RASGRF1: variants seen among roughly 807,000 people sequenced by gnomAD.
RASGRF1 encodes Ras protein specific guanine nucleotide releasing factor 1.
Under a neutral mutation model 138.7 loss-of-function variants are expected in RASGRF1, and 40 were observed. The observed-to-expected ratio is 0.29, with a 90% CI of 0.22 to 0.38. The LOEUF is 0.38. RASGRF1 is among the 10% of genes least tolerant of loss of function. RASGRF1 has a pLI of 1.00. For missense variants in RASGRF1, 1,108 were observed against 1,650.4 expected, an observed-to-expected ratio of 0.67 and a Z score of 5.69; for synonymous variants, 614 against 663.2, an observed-to-expected ratio of 0.93 and a Z score of 1.14.
rs145704063 is a variant in RASGRF1 at position 79,089,012 on chromosome 15, T to A, written c.276+1211A>T. Among the ~76,000 whole-genome samples the A allele has an allele frequency of 2.5e-3, 387 of 152,344 alleles. 2 individuals carry two copies. The highest frequency in any genetic ancestry group is 8.8e-3 in the African/African-American group (368 of 41,582). On this transcript the variant is annotated intron_variant, in intron 1 of 26. Transcript: ENST00000558480. ...GCTAGAGAGACTGAGCTCGGATCTC[T>A]GTCCTGACAATTGGGAGGAAGACTT...
At chr15:79,043,708 G>C (rs963365073) in intron 5 of RASGRF1, among the ~76,000 whole-genome samples, 2 of 152,180 alleles carry the variant, frequency 1.3e-5, no homozygotes, top group African/African-American at 4.8e-5. Context: ...GATGGGGATG[G>C]GTAAGGGAGC....
intron 3 of RASGRF1, among the ~76,000 whole-genome samples, chr15:79,057,494 C>T (rs2057526470): frequency 6.6e-6 from 1 of 152,224 alleles, no homozygotes; most frequent in African/African-American, 2.4e-5. Flanking sequence ...TTCATTTTCC[C>T]CTCCTCAGTG....
intron 12 of RASGRF1, 83 bp from the exon 13 acceptor site, chr15:79,015,492 T>A: frequency 2.4e-6 from 3 of 1,260,448 alleles, no homozygotes; most frequent in Non-Finnish European, 2.3e-6. Context: ...ACTGTAAAGT[T>A]CACATGCCTC....
rs112779545 is a variant in RASGRF1, at chr15:78,961,552, G to A, written c.*592C>T. On this transcript the variant is annotated 3_prime_UTR_variant, in exon 27 of 27. Transcript: ENST00000558480. ...AGATGGCAGCATTGGTACGAGGGGT[G>A]TGGTTCTGAGCAGAGAGGACTCCCT... The A allele has an allele frequency of 0.012, 1,870 of 153,070 alleles. 21 individuals are homozygous for A. The highest frequency in any genetic ancestry group is 0.02 in the Non-Finnish European group (1,401 of 68,582). 9.5% of individuals were successfully genotyped at this position (153,070 alleles called of 1,614,324 possible).
intron 10 of RASGRF1, among the ~76,000 whole-genome samples, chr15:79,021,659 A>G (rs2056962533): frequency 6.6e-6 from 1 of 152,268 alleles, no homozygotes; most frequent in South Asian, 2.1e-4. Flanking sequence ...ATTGGAGACT[A>G]GAGCATAGTG....
chr15:78,964,370 T>C (rs1461037542), intron 26 of RASGRF1, among the ~76,000 whole-genome samples: 2 of 152,164 alleles, frequency 1.3e-5, no homozygotes, highest in Non-Finnish European at 2.9e-5. Flanking sequence ...AGACAGGGTT[T>C]CACCATGTTG....
chr15:79,010,841 C>T (rs2056780766), intron 13 of RASGRF1, among the ~76,000 whole-genome samples: 1 of 152,190 alleles, frequency 6.6e-6, no homozygotes, highest in Admixed American at 6.5e-5. Flanking sequence ...TTGCTGGTGG[C>T]TGACCTGAGA....
chr15:78,971,765 T>C (rs2055765241), intron 26 of RASGRF1, 101 bp downstream of exon 26: 3 of 1,126,276 alleles, frequency 2.7e-6, no homozygotes, highest in Non-Finnish European at 4.1e-6. Flanking sequence ...GAGAGAATTC[T>C]GGAAGGGAAA....
intron 1 of RASGRF1, among the ~76,000 whole-genome samples, chr15:79,077,338 A>G (rs1219108378): frequency 6.6e-6 from 1 of 152,168 alleles, no homozygotes; most frequent in Admixed American, 6.5e-5. Flanking sequence ...AAATGGGGAC[A>G]ATATTACTCA....
chr15:79,033,306 G>A (rs1209946168), intron 6 of RASGRF1, among the ~76,000 whole-genome samples: 4 of 150,628 alleles, frequency 2.7e-5, no homozygotes, highest in African/African-American at 7.3e-5. Flanking sequence ...GCAGTGGTGC[G>A]GTCTCGGCTC....
rs865999913 is a variant in RASGRF1 at position 79,046,909 on chromosome 15, G to A, written c.715C>T (p.Arg239Cys). 3 of 1,614,032 alleles carry A rather than the reference G, an allele frequency of 1.9e-6. No individual in the cohort carries two copies. The highest frequency in any genetic ancestry group is 1.7e-6 in the Non-Finnish European group (2 of 1,180,044). The stretch of plus-strand genomic sequence containing the variant: ...CTGAACACCACCTGGTTCCTCTTGC[G>A]CATGCTGTCAGCATGGGGTGACCGG... ...YIRSPHADSM[R>C]KRNQVVFSML... The change falls in exon 5 of 27, where the codon CGC becomes TGC. Residue 239 changes from arginine (R) to cysteine (C), a missense_variant. Arg to Cys is a radical substitution (Grantham distance 180). Around this residue, in one of 3 missense-constraint regions of RASGRF1, gnomAD observed 253 missense variants for 329.5 expected, o/e 0.77. Transcript: ENST00000558480. The surrounding 1 kb of genome is among the most constrained non-coding windows in gnomAD (Gnocchi z 5.3).
At chr15:78,978,657 C>T in intron 24 of RASGRF1, 4 of 1,011,116 alleles carry the variant, frequency 4.0e-6, no homozygotes, top group Non-Finnish European at 4.7e-6. Flanking sequence ...TGGACTGCCA[C>T]CTCGCTACTC....
chr15:78,998,350 T>C lies in RASGRF1; in HGVS notation c.2854-142A>G, dbSNP rs183101435. On this transcript the variant is annotated intron_variant, in intron 18 of 26. Coordinates refer to ENST00000558480, the MANE Select transcript of RASGRF1 (RefSeq NM_001145648.3). ...CTGCCTCATTTCCTTTCTGTTGGCT[T>C]CCTGGCAGGGCATGAGAGGCTCTCC... 382 of 724,764 alleles carry C rather than the reference T, an allele frequency of 5.3e-4. 4 individuals are homozygous for C. The African/African-American group carries it at 5.9e-3, about 11-fold the overall frequency. The allele number at this position is 724,764 out of a possible 1,614,324, so 44.9% of individuals were successfully genotyped here.
chr15:79,080,678 A>C (rs894412303), intron 1 of RASGRF1, among the ~76,000 whole-genome samples: 1 of 152,230 alleles, frequency 6.6e-6, no homozygotes, highest in East Asian at 1.9e-4. Flanking sequence ...AGTTTGAAAA[A>C]AAAAAGAAAG....
intron 1 of RASGRF1, 89 bp downstream of exon 1, chr15:79,090,134 A>G: frequency 7.0e-7 from 1 of 1,436,076 alleles, no homozygotes; most frequent in Non-Finnish European, 9.1e-7. Context: ...GAGGGGCCAA[A>G]GTTCAAGCGC....
chr15:78,967,769 C>T (rs1020454597), intron 26 of RASGRF1, among the ~76,000 whole-genome samples: 2 of 152,152 alleles, frequency 1.3e-5, no homozygotes, highest in Non-Finnish European at 2.9e-5. Flanking sequence ...ATGCATACAA[C>T]ATATACGTAT....
At chr15:79,025,996 C>T (rs1427879691) in intron 9 of RASGRF1, among the ~76,000 whole-genome samples, 1 of 151,886 alleles carries the variant, frequency 6.6e-6, no homozygotes, top group Non-Finnish European at 1.5e-5. Flanking sequence ...ACCAATCAAT[C>T]ACTGCACCAT....
At chr15:78,991,311 C>T (rs1435292978) in intron 21 of RASGRF1, among the ~76,000 whole-genome samples, 4 of 152,226 alleles carry the variant, frequency 2.6e-5, no homozygotes, top group Non-Finnish European at 4.4e-5. Flanking sequence ...TCAAAGTCCA[C>T]GCCTGTCCCC....
At position 79,006,135 on chromosome 15, in the gene RASGRF1, C is replaced by T; in HGVS notation, c.2075+51G>A. ...GGCCCCGTGCAAGCTCAGTTTTCCT[C>T]CAAGGCTTGGAAGCTCTCCGGGCAT... On this transcript the variant is annotated intron_variant, in intron 14 of 26. Transcript: ENST00000558480. This position sits in a 1 kb window ranked among gnomAD's most constrained non-coding sequence, Gnocchi z 4.0. 2 of 1,609,474 alleles carry T rather than the reference C, an allele frequency of 1.2e-6. No individual in the cohort carries two copies. Among genetic ancestry groups the T allele is most frequent in the South Asian group, 2.2e-5 (2 of 90,638 alleles).
Sources: allele counts gnomAD v4.1 joint callset (sites outside exome capture counted in the v4.1 genomes callset), GRCh38; gene constraint gnomAD v4.1.1; regional missense constraint gnomAD v4.1.1; non-coding constraint Gnocchi (gnomAD v3.1); transcripts MANE v1.5; gene names NCBI Gene and HGNC (gene_info 2026-07-23, HGNC 2026-07-21).